The following SCAPER variants were observed in gnomAD, a reference collection of about 807,000 sequenced individuals.
SCAPER encodes the protein S phase cyclin A-associated protein in the endoplasmic reticulum.
A neutral mutation model predicts 182.2 loss-of-function variants in SCAPER; 98 were observed. That is an observed-to-expected ratio of 0.54 (90% confidence interval 0.46 to 0.64). SCAPER has a LOEUF of 0.64. Among genes scored for constraint, SCAPER ranks in the 30% least tolerant of loss-of-function variants. The pLI is 0.00. For synonymous variants in SCAPER, 605 were observed against 564.6 expected (o/e 1.07, Z -1.01); for missense variants, 1,432 against 1,690.0 (o/e 0.85, Z 2.68).
At chr15:76,371,935 A>G (rs185113446) in intron 29 of SCAPER, among the ~76,000 whole-genome samples, 2 of 152,112 alleles carry the variant, frequency 1.3e-5, no homozygotes, top group South Asian at 2.1e-4. Flanking sequence ...AAAATAAATA[A>G]ATATTATGCT....
chr15:76,879,807 C>T (rs547281610), intron 2 of SCAPER, among the ~76,000 whole-genome samples: 31 of 152,220 alleles, frequency 2.0e-4, no homozygotes, highest in African/African-American at 7.5e-4. Flanking sequence ...GGCCAGGATT[C>T]CTTTTATATA....
intron 24 of SCAPER, 32 bp from the exon 25 acceptor site, chr15:76,471,367 A>AC: frequency 6.3e-7 from 1 of 1,578,924 alleles, no homozygotes; most frequent in Non-Finnish European, 8.6e-7. Flanking sequence ...CATTTATAAA[A>AC]CCCGAGCAGC....
chr15:76,774,708 T>C, intron 9 of SCAPER, 147 bp downstream of exon 9: 1 of 752,828 alleles, frequency 1.3e-6, no homozygotes, highest in South Asian at 2.1e-5. Context: ...AGTTCGTTGT[T>C]CTATTCTTGC....
At chr15:76,813,907 C>T (rs533112573) in intron 5 of SCAPER, among the ~76,000 whole-genome samples, 44 of 152,252 alleles carry the variant, frequency 2.9e-4, no homozygotes, top group South Asian at 1.5e-3. Context: ...GTCGCTCACA[C>T]CCGTAATCCT....
intron 24 of SCAPER, among the ~76,000 whole-genome samples, chr15:76,471,702 G>A (rs754540576): frequency 9.9e-5 from 15 of 152,182 alleles, no homozygotes; most frequent in Non-Finnish European, 1.5e-4. Flanking sequence ...CTCTATCAAA[G>A]CTTCTGTTGC....
intron 25 of SCAPER, among the ~76,000 whole-genome samples, chr15:76,447,372 G>A (rs1475728602): frequency 2.0e-5 from 3 of 152,160 alleles, no homozygotes; most frequent in Non-Finnish European, 4.4e-5. Flanking sequence ...CCAAGGAAAG[G>A]GTCATGGGGA....
intron 22 of SCAPER, among the ~76,000 whole-genome samples, chr15:76,577,275 G>A (rs191439368): frequency 4.1e-4 from 63 of 152,156 alleles, no homozygotes; most frequent in South Asian, 1.9e-3. Context: ...GTGAAAGCCC[G>A]TCTCTAGCAA....
At chr15:76,600,442 T>TAG (rs2049842089) in intron 22 of SCAPER, among the ~76,000 whole-genome samples, 1 of 32,006 alleles carries the variant, frequency 3.1e-5, no homozygotes, top group African/African-American at 7.4e-5. Flanking sequence ...TACATATACA[T>TAG]ATATATATAT....
chr15:76,614,220 G>A (rs2051252248), intron 22 of SCAPER, among the ~76,000 whole-genome samples: 1 of 152,080 alleles, frequency 6.6e-6, no homozygotes, highest in South Asian at 2.1e-4. Flanking sequence ...CACATAGAGG[G>A]GAACAACATA....
chr15:76,888,915 G>A (rs1370404520), intron 1 of SCAPER, among the ~76,000 whole-genome samples: 1 of 152,112 alleles, frequency 6.6e-6, no homozygotes, highest in South Asian at 2.1e-4. Flanking sequence ...AAATGTTAAG[G>A]GCAGCCAGAG....
chr15:76,596,326 CA>C (rs34691848), intron 22 of SCAPER, among the ~76,000 whole-genome samples: 12,416 of 75,300 alleles, frequency 0.16, 2,516 homozygotes, highest in Middle Eastern at 0.25. Context: ...GCCTACCAAC[CA>C]AAAAAAAAAA....
intron 25 of SCAPER, among the ~76,000 whole-genome samples, chr15:76,470,111 T>C (rs1014763039): frequency 6.6e-6 from 1 of 152,138 alleles, no homozygotes; most frequent in Non-Finnish European, 1.5e-5. Context: ...CATAATTCCA[T>C]TTCTGATTTT....
At chr15:76,818,938 T>C (rs757250855) in intron 5 of SCAPER, among the ~76,000 whole-genome samples, 4 of 152,252 alleles carry the variant, frequency 2.6e-5, no homozygotes, top group Admixed American at 2.0e-4. Context: ...CAGGAGATTA[T>C]ATCCCGCACA....
intron 3 of SCAPER, among the ~76,000 whole-genome samples, chr15:76,860,056 C>G (rs2071750047): frequency 6.6e-6 from 1 of 152,080 alleles, no homozygotes; most frequent in Admixed American, 6.5e-5. Context: ...ACAAATGAAG[C>G]TTTAAAATTG....
intron 6 of SCAPER, among the ~76,000 whole-genome samples, chr15:76,800,587 C>A (rs186613340): frequency 6.6e-6 from 1 of 152,080 alleles, no homozygotes; most frequent in African/African-American, 2.4e-5. Flanking sequence ...GATTTTCTAC[C>A]GACTGCAGCA....
chr15:76,867,973 T>G (rs1479096873), intron 2 of SCAPER, among the ~76,000 whole-genome samples: 2 of 152,050 alleles, frequency 1.3e-5, no homozygotes, highest in Non-Finnish European at 2.9e-5. Flanking sequence ...TCTCCCTCAA[T>G]TCCCCACTTA....
At chr15:76,745,522 T>C (rs542146005) in intron 15 of SCAPER, among the ~76,000 whole-genome samples, 1 of 152,204 alleles carries the variant, frequency 6.6e-6, no homozygotes, top group East Asian at 1.9e-4. Flanking sequence ...TAGGGTACAA[T>C]ATATCCATGT....
At chr15:76,480,985 C>A (rs1965492) in intron 24 of SCAPER, among the ~76,000 whole-genome samples, 65,014 of 151,960 alleles carry the variant, frequency 0.43, 16,629 homozygotes, top group Middle Eastern at 0.58. Flanking sequence ...CCCGGCTCGG[C>A]CTCCCAAAGT....
At chr15:76,692,998 T>C (rs1004891188) in intron 20 of SCAPER, among the ~76,000 whole-genome samples, 5 of 152,174 alleles carry the variant, frequency 3.3e-5, no homozygotes, top group East Asian at 1.9e-4. Context: ...TTCTTTCAAT[T>C]ACCGATTGAG....
Sources: gnomAD v4.1 joint callset for allele counts (sites outside exome capture counted in the v4.1 genomes callset) on GRCh38, gnomAD v4.1.1 for gene constraint, MANE v1.5 for transcripts, NCBI Gene and HGNC (gene_info 2026-07-23, HGNC 2026-07-21) for gene names.